Variants in HEMK2 observed in about 807,000 individuals in gnomAD.
HEMK2 encodes HemK methyltransferase 2, ETF1 glutamine and histone H4 lysine, also known as methyltransferase HEMK2.
the HEMK2 span, among the ~76,000 whole-genome samples, chr21:28,711,069 C>G: frequency 6.6e-6 from 1 of 152,002 alleles, no homozygotes; most frequent in Non-Finnish European, 1.5e-5. Context: ...AATACTAGAT[C>G]CTGATTTTTA....
the HEMK2 span, among the ~76,000 whole-genome samples, chr21:28,752,348 A>G: frequency 0.19 from 29,442 of 152,106 alleles, 3,561 homozygotes; most frequent in African/African-American, 0.34. Context: ...AACAGCTGTC[A>G]TTCCAGTTAG....
At chr21:28,675,313 A>G in the HEMK2 span, among the ~76,000 whole-genome samples, 398 of 152,368 alleles carry the variant, frequency 2.6e-3, 1 homozygote, top group African/African-American at 8.9e-3. Flanking sequence ...CCTAAAAGAT[A>G]ATAAATGAAT....
chr21:28,769,350 C>T, the HEMK2 span, among the ~76,000 whole-genome samples: 1 of 152,100 alleles, frequency 6.6e-6, no homozygotes, highest in African/African-American at 2.4e-5. Flanking sequence ...TACCTCTCAG[C>T]TCAGTAGCAT....
chr21:28,705,438 T>A, the HEMK2 span, among the ~76,000 whole-genome samples: 1 of 150,836 alleles, frequency 6.6e-6, no homozygotes, highest in Non-Finnish European at 1.5e-5. Context: ...TAGAAATAGG[T>A]TCCCATGTGT....
At chr21:28,805,553 C>T in the HEMK2 span, among the ~76,000 whole-genome samples, 2 of 152,174 alleles carry the variant, frequency 1.3e-5, no homozygotes, top group African/African-American at 2.4e-5. Flanking sequence ...TTGGAGGCTG[C>T]CGTCAGCTCA....
At chr21:28,662,609 T>A in the HEMK2 span, among the ~76,000 whole-genome samples, 1 of 152,118 alleles carries the variant, frequency 6.6e-6, no homozygotes, top group Non-Finnish European at 1.5e-5. Context: ...GGTAATTGGA[T>A]CGTGGAGATG....
chr21:28,657,771 G>A, the HEMK2 span, among the ~76,000 whole-genome samples: 2 of 151,904 alleles, frequency 1.3e-5, no homozygotes, highest in African/African-American at 4.8e-5. Flanking sequence ...CTGCCAACCA[G>A]GAAAAATAAC....
chr21:28,664,635 A>T, the HEMK2 span, among the ~76,000 whole-genome samples: 1 of 152,286 alleles, frequency 6.6e-6, no homozygotes, highest in Admixed American at 6.5e-5. Flanking sequence ...CTAAAGAGAA[A>T]AGATAATCAC....
At chr21:28,748,277 A>C in the HEMK2 span, among the ~76,000 whole-genome samples, 1 of 152,262 alleles carries the variant, frequency 6.6e-6, no homozygotes, top group African/African-American at 2.4e-5. Flanking sequence ...ACATTGAAAA[A>C]TGTAAAATAA....
the HEMK2 span, among the ~76,000 whole-genome samples, chr21:28,877,548 TAAAG>T: frequency 1.0e-5 from 1 of 97,110 alleles, no homozygotes; most frequent in Non-Finnish European, 2.1e-5. Context: ...GAGAGAGAGA[TAAAG>T]AAAAAGAAAA....
chr21:28,735,232 A>C, the HEMK2 span, among the ~76,000 whole-genome samples: 4 of 152,146 alleles, frequency 2.6e-5, no homozygotes, highest in African/African-American at 7.2e-5. Flanking sequence ...TAGTTCTGTA[A>C]CTCAGAAGTC....
the HEMK2 span, among the ~76,000 whole-genome samples, chr21:28,655,873 T>A: frequency 6.6e-6 from 1 of 152,032 alleles, no homozygotes; most frequent in South Asian, 2.1e-4. Context: ...AAGAAATAAT[T>A]ACAATTAATA....
the HEMK2 span, among the ~76,000 whole-genome samples, chr21:28,589,360 T>C: frequency 6.6e-6 from 1 of 152,036 alleles, no homozygotes; most frequent in Admixed American, 6.6e-5. Flanking sequence ...TGTTACAAAA[T>C]CATATAACTA....
chr21:28,655,478 A>G, the HEMK2 span, among the ~76,000 whole-genome samples: 6 of 152,076 alleles, frequency 3.9e-5, no homozygotes, highest in African/African-American at 1.4e-4. Context: ...TCTTTTCCAA[A>G]TCCATCTCAA....
the HEMK2 span, among the ~76,000 whole-genome samples, chr21:28,788,235 T>C: frequency 6.7e-6 from 1 of 149,586 alleles, no homozygotes; most frequent in Non-Finnish European, 1.5e-5. Flanking sequence ...TACACGTATA[T>C]ACGTATATAT....
At chr21:28,602,887 C>T in the HEMK2 span, among the ~76,000 whole-genome samples, 1 of 152,164 alleles carries the variant, frequency 6.6e-6, no homozygotes, top group Non-Finnish European at 1.5e-5. Context: ...CTAAAGACAC[C>T]CAGTGCTTCT....
the HEMK2 span, among the ~76,000 whole-genome samples, chr21:28,829,189 T>C: frequency 6.6e-6 from 1 of 152,206 alleles, no homozygotes; most frequent in Non-Finnish European, 1.5e-5. Context: ...TTAGAACAAG[T>C]GAAATTGCTA....
chr21:28,670,165 T>C, the HEMK2 span, among the ~76,000 whole-genome samples: 10,544 of 152,142 alleles, frequency 0.069, 582 homozygotes, highest in East Asian at 0.14. Context: ...AATGGAAGCA[T>C]GTTTTCCATT....
chr21:28,829,341 G>C, the HEMK2 span, among the ~76,000 whole-genome samples: 2 of 152,170 alleles, frequency 1.3e-5, no homozygotes, highest in South Asian at 4.1e-4. Flanking sequence ...AGTGTTTGTT[G>C]GGAGGTAGGT....
Sources: allele counts gnomAD v4.1 joint callset (sites outside exome capture counted in the v4.1 genomes callset), GRCh38; gene constraint gnomAD v4.1.1; transcripts MANE v1.5; gene names NCBI Gene and HGNC (gene_info 2026-07-23, HGNC 2026-07-21).